Variants in PTK2 observed in about 807,000 individuals in gnomAD.
PTK2 encodes the protein focal adhesion kinase 1.
PTK2 carries 45 observed loss-of-function variants against 150.1 expected under a neutral mutation model. The ratio of observed to expected loss-of-function variants is 0.30; its 90% CI spans 0.24 to 0.38. PTK2 has a LOEUF of 0.38. Among genes scored for constraint, PTK2 ranks in the 10% least tolerant of loss-of-function variants. The pLI, the probability that PTK2 is intolerant of heterozygous loss-of-function variation, is 1.00. For missense variants in PTK2, 919 were observed against 1,307.3 expected (o/e 0.70, Z 4.58); for synonymous variants, 432 against 449.2 (o/e 0.96, Z 0.48).
chr8:140,915,619 G>T (rs549673360), intron 2 of PTK2, among the ~76,000 whole-genome samples: 1 of 151,996 alleles, frequency 6.6e-6, no homozygotes, highest in Non-Finnish European at 1.5e-5. Context: ...TATCCAGGCC[G>T]GGCACGGTGG....
At chr8:140,674,059 C>T in intron 29 of PTK2, 1 of 654,776 alleles carries the variant, frequency 1.5e-6, no homozygotes. Flanking sequence ...TGACTGAATT[C>T]CTAAAATCTA....
chr8:140,894,454 C>T (rs954277167), intron 2 of PTK2, among the ~76,000 whole-genome samples: 3 of 152,098 alleles, frequency 2.0e-5, no homozygotes, highest in Non-Finnish European at 4.4e-5. Flanking sequence ...TGCAGCCTTA[C>T]AAAGTATTAG....
At chr8:140,686,812 A>G in intron 26 of PTK2, 118 bp from the exon 30 acceptor site, 1 of 896,346 alleles carries the variant, frequency 1.1e-6, no homozygotes, top group Non-Finnish European at 1.7e-6. Context: ...GAAGAGTTGA[A>G]AGTTCCCCCG....
intron 1 of PTK2, among the ~76,000 whole-genome samples, chr8:140,973,029 G>C (rs59976164): frequency 1.3e-5 from 2 of 152,310 alleles, no homozygotes; most frequent in East Asian, 3.9e-4. Context: ...ATCCTCACCT[G>C]TGTGTAGAAA....
Position 140,928,641 on chromosome 8 carries a change from A to G in PTK2, c.-121-2892T>C, listed in dbSNP as rs555937380. On this transcript the variant is annotated intron_variant, in intron 1 of 31. Transcript: ENST00000522684. ...TTGAAAAGGAAAGAAATTCTAACAC[A>G]TGCTGAACCTTGAGGACATTATGCT... 7.5e-4 allele frequency among the ~76,000 whole-genome samples: 115 copies of G among 152,370 alleles called. 1 individual carries two copies. Among genetic ancestry groups the G allele is most frequent in the African/African-American group, 2.6e-3 (107 of 41,594 alleles).
intron 7 of PTK2, among the ~76,000 whole-genome samples, chr8:140,834,168 G>T (rs2100117244): frequency 6.6e-6 from 1 of 152,144 alleles, no homozygotes. Context: ...ATGAATCTAG[G>T]ACTTCAGCCA....
intron 8 of PTK2, among the ~76,000 whole-genome samples, chr8:140,819,754 T>C (rs1047115602): frequency 6.6e-5 from 10 of 152,184 alleles, no homozygotes; most frequent in Middle Eastern, 3.2e-3. Flanking sequence ...AATGTACCCA[T>C]GAAGGAGATA....
At position 140,902,945 on chromosome 8, in the gene PTK2, T is replaced by G. The variant is rs879689802; in HGVS notation, c.-32-12176A>C. On this transcript the variant is annotated intron_variant, in intron 2 of 31. Transcript: ENST00000522684. The stretch of plus-strand genomic sequence containing the variant: ...AGTTGTTTTTTTTTTTTTTTTTTTT[T>G]TTTTTTTTTTTTTTGCCATGCAGAA... 2.4e-3 allele frequency among the ~76,000 whole-genome samples: 342 copies of G among 140,740 alleles called. 1 individual carries two copies. The highest frequency in any genetic ancestry group is 3.8e-3 in the African/African-American group (144 of 37,584). The allele number at this position is 140,740 out of a possible 152,430, so 92.3% of individuals were successfully genotyped here.
intron 1 of PTK2, among the ~76,000 whole-genome samples, chr8:140,969,166 C>T (rs1160301674): frequency 6.6e-6 from 1 of 152,138 alleles, no homozygotes; most frequent in Non-Finnish European, 1.5e-5. Flanking sequence ...ACCACCACAT[C>T]AGCATATTTA....
At chr8:140,941,034 T>C (rs2100175570) in intron 1 of PTK2, among the ~76,000 whole-genome samples, 1 of 152,014 alleles carries the variant, frequency 6.6e-6, no homozygotes, top group Admixed American at 6.6e-5. Context: ...ATCACACACA[T>C]AAATTCAACT....
At chr8:140,841,058 G>C (rs1404083745) in intron 7 of PTK2, among the ~76,000 whole-genome samples, 1 of 152,126 alleles carries the variant, frequency 6.6e-6, no homozygotes, top group Non-Finnish European at 1.5e-5. Context: ...TTAAATAAAA[G>C]CGCCTCAAAA....
chr8:140,841,820 A>G (rs1315081767), intron 7 of PTK2, among the ~76,000 whole-genome samples: 1 of 152,094 alleles, frequency 6.6e-6, no homozygotes, highest in Non-Finnish European at 1.5e-5. Flanking sequence ...AAGAGGTTTA[A>G]TATCACCAGT....
chr8:140,750,001 G>C (rs891293030), intron 17 of PTK2, among the ~76,000 whole-genome samples: 1 of 152,216 alleles, frequency 6.6e-6, no homozygotes. Flanking sequence ...AAATGCACAA[G>C]AATACCAGCA....
exon 32 of PTK2, chr8:140,659,193 A>G (rs181960458): frequency 1.3e-4 from 60 of 474,158 alleles, no homozygotes; most frequent in Non-Finnish European, 2.0e-4. Flanking sequence ...GATGCTTAAA[A>G]GCTTACATAT....
chr8:140,687,006 AC>A (rs2100020319), intron 26 of PTK2: 1 of 297,374 alleles, frequency 3.4e-6, no homozygotes, highest in Non-Finnish European at 6.3e-6. Context: ...GATACCCGCA[AC>A]CCCAGGATAA....
At chr8:140,697,419 T>C (rs2100027365) in intron 26 of PTK2, among the ~76,000 whole-genome samples, 1 of 31,614 alleles carries the variant, frequency 3.2e-5, no homozygotes, top group South Asian at 7.1e-4. Context: ...ATACGGTTTG[T>C]GTGTGTGTGT....
chr8:140,939,946 T>C (rs1010560866), intron 1 of PTK2, among the ~76,000 whole-genome samples: 10 of 152,138 alleles, frequency 6.6e-5, no homozygotes, highest in African/African-American at 2.4e-4. Context: ...CAAGGAATCA[T>C]CTGAAAGATG....
At chr8:140,956,391 G>A (rs1464488074) in intron 1 of PTK2, among the ~76,000 whole-genome samples, 3 of 152,240 alleles carry the variant, frequency 2.0e-5, no homozygotes, top group Non-Finnish European at 4.4e-5. Context: ...GCGTTTTAGT[G>A]AAGCTGGGGA....
At chr8:140,889,512 G>T (rs771788798) in intron 3 of PTK2, among the ~76,000 whole-genome samples, 25 of 151,930 alleles carry the variant, frequency 1.6e-4, no homozygotes, top group Non-Finnish European at 3.5e-4. Flanking sequence ...TACAGGCATG[G>T]ACCACCATGC....
Sources: gnomAD v4.1 joint callset for allele counts (sites outside exome capture counted in the v4.1 genomes callset) on GRCh38, gnomAD v4.1.1 for gene constraint, MANE v1.5 for transcripts, NCBI Gene and HGNC (gene_info 2026-07-23, HGNC 2026-07-21) for gene names.